OSBPL3: variants seen among roughly 807,000 people sequenced by gnomAD.
OSBPL3 encodes oxysterol binding protein like 3, also known as oxysterol-binding protein-related protein 3.
A neutral mutation model predicts 120.1 loss-of-function variants in OSBPL3; 65 were observed. The ratio of observed to expected loss-of-function variants is 0.54; its 90% CI spans 0.44 to 0.67. The LOEUF (loss-of-function observed/expected upper bound fraction) is 0.67, where lower values mean the gene tolerates loss of function less well. Ranked by LOEUF, OSBPL3 falls within the 30% of genes least tolerant of loss-of-function variation. The pLI is 0.00. For synonymous variants in OSBPL3, 416 were observed against 402.6 expected (o/e 1.03, Z -0.40); for missense variants, 1,004 against 1,082.1 (o/e 0.93, Z 1.01).
chr7:24,957,772 A>C (rs1815247330), intron 1 of OSBPL3, among the ~76,000 whole-genome samples: 1 of 152,188 alleles, frequency 6.6e-6, no homozygotes, highest in Non-Finnish European at 1.5e-5. Flanking sequence ...AAACCTAAAA[A>C]ACAGACTAGA....
chr7:24,836,201 A>G (rs1214490099), intron 14 of OSBPL3, among the ~76,000 whole-genome samples: 2 of 152,210 alleles, frequency 1.3e-5, no homozygotes, highest in African/African-American at 4.8e-5. Context: ...ACATGATCAG[A>G]CTGCTTTTCA....
At chr7:24,810,994 T>C (rs761814956) in intron 19 of OSBPL3, among the ~76,000 whole-genome samples, 4 of 152,264 alleles carry the variant, frequency 2.6e-5, no homozygotes, top group Admixed American at 2.0e-4. Flanking sequence ...AACATGGAGA[T>C]GCAGGTATCT....
At chr7:24,954,458 C>G (rs1814801958) in intron 1 of OSBPL3, among the ~76,000 whole-genome samples, 1 of 152,058 alleles carries the variant, frequency 6.6e-6, no homozygotes, top group African/African-American at 2.4e-5. Context: ...TAATCATATC[C>G]ACGAGAGACC....
chr7:24,978,807 A>G (rs11973976), intron 1 of OSBPL3, among the ~76,000 whole-genome samples: 24,251 of 152,270 alleles, frequency 0.16, 2,190 homozygotes, highest in African/African-American at 0.24. Flanking sequence ...CGCAGTACGC[A>G]GACACATGGA....
chr7:24,843,585 G>A (rs576583205), intron 12 of OSBPL3, among the ~76,000 whole-genome samples: 1 of 152,260 alleles, frequency 6.6e-6, no homozygotes, highest in South Asian at 2.1e-4. Flanking sequence ...AAGGCAAGTG[G>A]TCCCTTTACA....
intron 1 of OSBPL3, among the ~76,000 whole-genome samples, chr7:24,974,930 C>T (rs1053272897): frequency 6.6e-6 from 1 of 152,138 alleles, no homozygotes; most frequent in African/African-American, 2.4e-5. Flanking sequence ...GATGGTTGCA[C>T]AACTCTGAAT....
At chr7:24,809,077 C>A (rs181684727) in intron 20 of OSBPL3, among the ~76,000 whole-genome samples, 2 of 152,152 alleles carry the variant, frequency 1.3e-5, no homozygotes, top group East Asian at 1.9e-4. Flanking sequence ...AGCCACCCCC[C>A]CCACTCACTT....
chr7:24,840,495 C>T (rs1004522777), intron 14 of OSBPL3, among the ~76,000 whole-genome samples, 195 bp downstream of exon 14: 27 of 152,146 alleles, frequency 1.8e-4, no homozygotes, highest in African/African-American at 6.5e-4. Flanking sequence ...GCCTCAAATA[C>T]ACATAACACA....
chr7:24,897,781 T>C (rs745620523), intron 1 of OSBPL3, among the ~76,000 whole-genome samples: 48 of 152,202 alleles, frequency 3.2e-4, no homozygotes, highest in Non-Finnish European at 6.5e-4. Context: ...ACAGAATTCA[T>C]CACCACTAGC....
chr7:24,834,605 C>A lies in OSBPL3; in HGVS notation c.1627G>T (p.Val543Leu), dbSNP rs769314791. Residue 543 changes from valine (V) to leucine (L), a missense_variant, in exon 15 of 23, where the codon GTG (valine) becomes TTG (leucine). Transcript: ENST00000313367. This position sits in a 1 kb window ranked among gnomAD's most constrained non-coding sequence, Gnocchi z 5.2. ...RNNIGKDLSK[V>L]AMPVELNEPL... ...TCGTTCAGCTCCACCGGCATGGCCA[C>A]CTTGGACAGGTCCTTCCCGATGTTG... The A allele has an allele frequency of 6.2e-7, 1 of 1,614,214 alleles. No homozygotes were observed. The highest frequency in any genetic ancestry group is 1.1e-5 in the South Asian group (1 of 91,084).
Position 24,863,090 on chromosome 7 carries a change from C to G in OSBPL3, c.870+110G>C. The G allele has an allele frequency of 1.3e-6, 1 of 757,400 alleles. No homozygotes were observed. Among genetic ancestry groups the G allele is most frequent in the Non-Finnish European group, 2.4e-6 (1 of 422,432 alleles). The allele number at this position is 757,400 out of a possible 1,614,324, so 46.9% of individuals were successfully genotyped here. ...CAGAGGACACTGGAAAGAACAACTA[C>G]AGAATATTCACTCATCTATTCTCCT... On this transcript the variant is annotated intron_variant, in intron 9 of 22. Coordinates refer to ENST00000313367, the MANE Select transcript of OSBPL3 (RefSeq NM_015550.4). This position sits in a 1 kb window ranked among gnomAD's most constrained non-coding sequence, Gnocchi z 5.8.
At position 24,871,936 on chromosome 7, in the gene OSBPL3, GCCAAGACCAA is replaced by G; in HGVS notation, c.213+7_213+16del. 6.3e-7 allele frequency: 1 copy of G among 1,575,938 alleles called. No homozygotes were observed. Among genetic ancestry groups the G allele is most frequent in the South Asian group, 1.1e-5 (1 of 90,270 alleles). ...CAGTGTGAGTGCAAATAAAGGGGAG[GCCAAGACCAA>G]CCTTACCTTATGCCAGCCTTTTAAG... On this transcript the variant is annotated splice_region_variant and intron_variant, in intron 3 of 22. Coordinates refer to ENST00000313367, the MANE Select transcript of OSBPL3 (RefSeq NM_015550.4). This position sits in a 1 kb window ranked among gnomAD's most constrained non-coding sequence, Gnocchi z 4.8.
rs1042417422 is a variant in OSBPL3, at chr7:24,937,226, A to G, written c.-150+42660T>C. ...TGAGAACTAACTTATTATCATGAGA[A>G]CAGGATGGAGGGAACCTCTCCCATA... is the stretch of plus-strand genomic sequence containing the variant. On this transcript the variant is annotated intron_variant, in intron 1 of 22. Coordinates refer to ENST00000313367, the MANE Select transcript of OSBPL3 (RefSeq NM_015550.4). This position sits in a 1 kb window ranked among gnomAD's most constrained non-coding sequence, Gnocchi z 4.0. 2.0e-5 allele frequency among the ~76,000 whole-genome samples: 3 copies of G among 152,192 alleles called. No homozygotes were observed. The highest frequency in any genetic ancestry group is 4.4e-5 in the Non-Finnish European group (3 of 68,038).
At chr7:24,840,365 G>C (rs145596906) in intron 14 of OSBPL3, among the ~76,000 whole-genome samples, 1 of 152,152 alleles carries the variant, frequency 6.6e-6, no homozygotes, top group Non-Finnish European at 1.5e-5. Flanking sequence ...TCAACATGAA[G>C]ATGACCAGGA....
Position 24,966,288 on chromosome 7 carries a change from A to G in OSBPL3, c.-150+13598T>C, listed in dbSNP as rs1258035946. On this transcript the variant is annotated intron_variant, in intron 1 of 22. Transcript: ENST00000313367. This position sits in a 1 kb window ranked among gnomAD's most constrained non-coding sequence, Gnocchi z 4.8. ...CCCACATCCTGTCCTTCTGACCCCT[A>G]GCATCTGTCAGACAAAGGTGTCTTA... is the stretch of plus-strand genomic sequence containing the variant. Among the ~76,000 whole-genome samples the G allele has an allele frequency of 2.0e-5, 3 of 152,200 alleles. No homozygotes were observed. The highest frequency in any genetic ancestry group is 7.2e-5 in the African/African-American group (3 of 41,432).
chr7:24,960,607 C>A (rs958945010), intron 1 of OSBPL3, among the ~76,000 whole-genome samples: 22 of 152,032 alleles, frequency 1.4e-4, no homozygotes, highest in African/African-American at 5.1e-4. Flanking sequence ...TCTTCTGAAC[C>A]TGGCATTCAT....
In OSBPL3 at chr7:24,914,000, CTTGGGTG is replaced by C. The variant is rs1450800611; in HGVS notation, c.-149-21386_-149-21380del. Among the ~76,000 whole-genome samples the C allele has an allele frequency of 1.3e-5, 2 of 152,144 alleles. No individual in the cohort carries two copies. Among genetic ancestry groups the C allele is most frequent in the Non-Finnish European group, 2.9e-5 (2 of 68,020 alleles). On this transcript the variant is annotated intron_variant, in intron 1 of 22. Transcript: ENST00000313367. The surrounding 1 kb of genome is among the most constrained non-coding windows in gnomAD (Gnocchi z 5.3). The stretch of plus-strand genomic sequence containing the variant: ...ATCCTTTGGTAAGAACATGCAGACT[CTTGGGTG>C]TTGGCCAGAGGGTTGTTCTTTTAAT...
intron 1 of OSBPL3, among the ~76,000 whole-genome samples, 161 bp downstream of exon 1, chr7:24,979,725 C>T (rs1395816155): frequency 3.3e-5 from 5 of 152,080 alleles, no homozygotes; most frequent in African/African-American, 1.2e-4. Flanking sequence ...AGCTCCCAGG[C>T]TTGGGTCTGC....
Position 24,913,516 on chromosome 7 carries a change from G to T in OSBPL3, c.-149-20895C>A, listed in dbSNP as rs141854674. On this transcript the variant is annotated intron_variant, in intron 1 of 22. Coordinates refer to ENST00000313367, the MANE Select transcript of OSBPL3 (RefSeq NM_015550.4). The surrounding 1 kb of genome is among the most constrained non-coding windows in gnomAD (Gnocchi z 5.3). ...AAAGTCACTTACAAGAAGCAGACAC[G>T]GTCTAGTGTGGGGGCCAATCAGCTG... 6.6e-6 allele frequency among the ~76,000 whole-genome samples: 1 copy of T among 152,064 alleles called. No individual in the cohort carries two copies. The highest frequency in any genetic ancestry group is 1.5e-5 in the Non-Finnish European group (1 of 68,010).
Sources: allele counts gnomAD v4.1 joint callset (sites outside exome capture counted in the v4.1 genomes callset), GRCh38; gene constraint gnomAD v4.1.1; non-coding constraint Gnocchi (gnomAD v3.1); transcripts MANE v1.5; gene names NCBI Gene and HGNC (gene_info 2026-07-23, HGNC 2026-07-21).